MCHR2: variants seen among roughly 807,000 people sequenced by gnomAD.
MCHR2 encodes melanin concentrating hormone receptor 2.
MCHR2 carries 15 observed loss-of-function variants against 24.8 expected under a neutral mutation model. The observed-to-expected ratio is 0.60, with a 90% CI of 0.40 to 0.93. The LOEUF is 0.93. MCHR2 is among the 40% of genes least tolerant of loss of function. The probability of loss-of-function intolerance (pLI) is 0.00; values close to 1 mark genes in which losing one functional copy is unlikely to be tolerated. For synonymous variants in MCHR2, 151 were observed against 147.6 expected (o/e 1.02, Z -0.17); for missense variants, 386 against 408.7 (o/e 0.94, Z 0.48).
chr6:99,958,358 C>T lies in MCHR2; in HGVS notation c.-27-2184G>A, dbSNP rs551136547. Among the ~76,000 whole-genome samples the T allele has an allele frequency of 6.8e-4, 104 of 152,096 alleles. 2 individuals carry two copies. Among genetic ancestry groups the T allele is most frequent in the South Asian group, 1.7e-3 (8 of 4,826 alleles). On this transcript the variant is annotated intron_variant, in intron 1 of 5. Transcript: ENST00000281806. ...ACATGAATTCATATATGCTTACATA[C>T]ATTTATATGCACATTGATTTGAAAT...
intron 2 of MCHR2, among the ~76,000 whole-genome samples, chr6:99,952,699 T>A (rs1053234270): frequency 1.3e-5 from 2 of 152,162 alleles, no homozygotes; most frequent in Non-Finnish European, 2.9e-5. Context: ...GATAAATTCC[T>A]AGCCAAATAA....
At chr6:99,963,426 T>C (rs776790904) in intron 1 of MCHR2, among the ~76,000 whole-genome samples, 1 of 152,150 alleles carries the variant, frequency 6.6e-6, no homozygotes, top group Non-Finnish European at 1.5e-5. Context: ...AGATACTATA[T>C]GATTTCATTT....
At chr6:99,989,660 T>A (rs1410553657) in intron 1 of MCHR2, among the ~76,000 whole-genome samples, 1 of 152,092 alleles carries the variant, frequency 6.6e-6, no homozygotes, top group South Asian at 2.1e-4. Flanking sequence ...AAGAGCTACA[T>A]AGACTTTGCT....
chr6:99,946,334 C>G (rs1295774459), intron 3 of MCHR2, among the ~76,000 whole-genome samples: 1 of 152,122 alleles, frequency 6.6e-6, no homozygotes, highest in African/African-American at 2.4e-5. Context: ...AGTTCTCTTG[C>G]AGAAAAACAA....
intron 1 of MCHR2, among the ~76,000 whole-genome samples, chr6:99,992,929 C>A (rs886548042): frequency 6.6e-6 from 1 of 152,100 alleles, no homozygotes; most frequent in African/African-American, 2.4e-5. Flanking sequence ...CCATCTCTAC[C>A]CACTAAGTTA....
chr6:99,934,499 C>A lies in MCHR2; in HGVS notation c.606G>T (p.Thr202=), dbSNP rs267600746. Residue 202 remains threonine, a synonymous_variant, in exon 5 of 6, where the codon ACG becomes ACT. Transcript: ENST00000281806. The part of the protein sequence containing the change: ...DDVLWYTLYL[T]ITTFFFPLPL... ...GTAGAGGGAAAAAAAAAGTTGTTAT[C>A]GTCAAATAAAGTGTATACCTGTAAA... 4.9e-5 allele frequency: 78 copies of A among 1,593,652 alleles called. No homozygotes were observed. In the Admixed American group the frequency reaches 1.2e-3, roughly 25 times the overall value.
chr6:99,934,993 A>T (rs1209928588), intron 4 of MCHR2, among the ~76,000 whole-genome samples: 1 of 152,066 alleles, frequency 6.6e-6, no homozygotes, highest in Non-Finnish European at 1.5e-5. Flanking sequence ...TAACTGGCAG[A>T]GGTAAAATTT....
Position 99,943,134 on chromosome 6 carries a change from G to A in MCHR2, c.402C>T (p.Ala134=). 6.2e-7 allele frequency: 1 copy of A among 1,606,960 alleles called. No individual in the cohort carries two copies. Among genetic ancestry groups the A allele is most frequent in the South Asian group, 1.1e-5 (1 of 89,920 alleles). ...MTVMSVDRYF[A]LVQPFRLTRW... ...GTGTCAGTCGAAATGGTTGGACGAG[G>A]GCAAAGTACCTGCAAAGGCAGTCAG... Residue 134 remains alanine, a synonymous_variant, in exon 4 of 6, where the codon GCC becomes GCT. Coordinates refer to ENST00000281806, the MANE Select transcript of MCHR2 (RefSeq NM_001040179.2).
intron 1 of MCHR2, among the ~76,000 whole-genome samples, chr6:99,967,069 TA>T (rs1303941679): frequency 6.6e-6 from 1 of 152,102 alleles, no homozygotes; most frequent in Non-Finnish European, 1.5e-5. Flanking sequence ...TCTCATTCCT[TA>T]AATTGCAAGT....
At chr6:99,950,606 T>C (rs1774947977) in intron 2 of MCHR2, among the ~76,000 whole-genome samples, 2 of 152,096 alleles carry the variant, frequency 1.3e-5, no homozygotes, top group South Asian at 4.1e-4. Flanking sequence ...GAGAAAATAC[T>C]AATACTATTA....
chr6:99,989,949 A>G (rs1274528151), intron 1 of MCHR2, among the ~76,000 whole-genome samples: 1 of 152,184 alleles, frequency 6.6e-6, no homozygotes, highest in Non-Finnish European at 1.5e-5. Context: ...TTAGTTGGAG[A>G]AAAAATTCAC....
intron 4 of MCHR2, among the ~76,000 whole-genome samples, chr6:99,936,222 C>T (rs1220452667): frequency 6.6e-6 from 1 of 151,750 alleles, no homozygotes; most frequent in Non-Finnish European, 1.5e-5. Flanking sequence ...TATTTATCCA[C>T]TTTTGCTTAG....
In MCHR2 at chr6:99,920,977, A is replaced by T. The variant is rs1488382097; in HGVS notation, c.986T>A (p.Ile329Asn). Residue 329 changes from isoleucine to asparagine, a missense_variant, in exon 6 of 6, where the codon ATC becomes AAC. Ile to Asn is a moderately radical substitution (Grantham distance 149). Coordinates refer to ENST00000281806, the MANE Select transcript of MCHR2 (RefSeq NM_001040179.2). ...TTTCAGAGTGTTTCCCATATTGTTG[A>T]TTTCCTTCTCAGTCGCTCTTCTTTG... ...QIQRRATEKE[I>N]NNMGNTLKSH... is the part of the protein sequence containing the mutation. 1.2e-6 allele frequency: 2 copies of T among 1,614,074 alleles called. No homozygotes were observed. Among genetic ancestry groups the T allele is most frequent in the Non-Finnish European group, 1.7e-6 (2 of 1,179,982 alleles).
Position 99,956,061 on chromosome 6 carries a change from G to T in MCHR2, c.87C>A (p.Ala29=). The T allele has an allele frequency of 6.2e-7, 1 of 1,613,288 alleles. No homozygotes were observed. Residue 29 remains alanine, a synonymous_variant, in exon 2 of 6, where the codon GCC becomes GCA. Transcript: ENST00000281806. ...GGAGGATGACTGTATCTACCACACT[G>T]GCAGTTTGATAAGCAAACTCTTTAT... ...SWNKEFAYQT[A]SVVDTVILPS...
chr6:99,993,875 G>A (rs556043373), intron 1 of MCHR2, 61 bp downstream of exon 1: 1 of 151,796 alleles, frequency 6.6e-6, no homozygotes, highest in African/African-American at 2.4e-5. Context: ...CGCAGCCCAC[G>A]GGCCCTGGGG....
intron 1 of MCHR2, among the ~76,000 whole-genome samples, chr6:99,991,005 A>G (rs1015954902): frequency 1.3e-5 from 2 of 150,952 alleles, no homozygotes; most frequent in African/African-American, 4.9e-5. Context: ...TAATGTTGGG[A>G]TGGGACAGAA....
intron 5 of MCHR2, among the ~76,000 whole-genome samples, chr6:99,927,840 C>T: frequency 6.6e-6 from 1 of 152,140 alleles, no homozygotes; most frequent in East Asian, 1.9e-4. Context: ...CCTTCTCCTG[C>T]ATAATTGCCC....
chr6:99,922,105 C>A (rs899576651), intron 5 of MCHR2, among the ~76,000 whole-genome samples: 2 of 122,572 alleles, frequency 1.6e-5, no homozygotes, highest in Non-Finnish European at 3.4e-5. Flanking sequence ...CCCATTTGTC[C>A]ATTTTTTTTT....
intron 4 of MCHR2, among the ~76,000 whole-genome samples, chr6:99,936,815 TAATC>T (rs747531743): frequency 5.9e-5 from 9 of 151,760 alleles, no homozygotes; most frequent in Non-Finnish European, 1.2e-4. Context: ...TTCTTCCAAT[TAATC>T]AACACGGAAT....
Sources: allele counts gnomAD v4.1 joint callset (sites outside exome capture counted in the v4.1 genomes callset), GRCh38; gene constraint gnomAD v4.1.1; transcripts MANE v1.5; gene names NCBI Gene and HGNC (gene_info 2026-07-23, HGNC 2026-07-21).